The following CEP57L1 variants were observed in gnomAD, a reference collection of about 807,000 sequenced individuals.
CEP57L1 encodes centrosomal protein CEP57L1.
In CEP57L1, 37 loss-of-function variants were observed where a neutral mutation model predicts 61.0. The ratio of observed to expected loss-of-function variants is 0.61; its 90% confidence interval spans 0.47 to 0.80. The LOEUF is 0.80. CEP57L1 is among the 30% of genes least tolerant of loss of function. The pLI, the probability that CEP57L1 is intolerant of heterozygous loss-of-function variation, is 0.00. For synonymous variants in CEP57L1, 137 were observed against 162.3 expected (o/e 0.84, Z 1.19); for missense variants, 422 against 524.7 (o/e 0.80, Z 1.91).
chr6:109,155,346 A>G (rs1212279116), intron 6 of CEP57L1, 39 bp downstream of exon 6: 6 of 1,056,290 alleles, frequency 5.7e-6, no homozygotes, highest in Admixed American at 2.7e-5. Context: ...AGTAAACCAT[A>G]TATGTTTTAT....
intron 1 of CEP57L1, among the ~76,000 whole-genome samples, chr6:109,107,352 T>G (rs1041724332): frequency 2.0e-5 from 3 of 152,108 alleles, no homozygotes; most frequent in African/African-American, 7.2e-5. Context: ...TACTTTTGTG[T>G]GTAGGTTAGA....
intron 1 of CEP57L1, among the ~76,000 whole-genome samples, chr6:109,127,872 C>A (rs955653729): frequency 1.3e-5 from 2 of 151,970 alleles, no homozygotes; most frequent in Non-Finnish European, 2.9e-5. Flanking sequence ...TCGTGATCCG[C>A]CCGCCTCGGC....
intron 1 of CEP57L1, among the ~76,000 whole-genome samples, chr6:109,126,815 T>C (rs1284667255): frequency 6.6e-6 from 1 of 152,220 alleles, no homozygotes; most frequent in Non-Finnish European, 1.5e-5. Flanking sequence ...AACAATTAGA[T>C]GCTATATTAT....
At chr6:109,107,042 G>A (rs569731762) in intron 1 of CEP57L1, among the ~76,000 whole-genome samples, 3 of 152,186 alleles carry the variant, frequency 2.0e-5, no homozygotes, top group Non-Finnish European at 2.9e-5. Flanking sequence ...TTTCTTATAC[G>A]TTTCAAACTA....
chr6:109,104,252 T>C (rs1287493376), intron 1 of CEP57L1, among the ~76,000 whole-genome samples: 1 of 152,126 alleles, frequency 6.6e-6, no homozygotes, highest in Non-Finnish European at 1.5e-5. Context: ...TGGTGTATAG[T>C]GTTTCATTGT....
At position 109,164,737 on chromosome 6, in the gene CEP57L1, T is replaced by C. The variant is rs769102393; in HGVS notation, c.*1767T>C. On this transcript the variant is annotated 3_prime_UTR_variant, in exon 11 of 11. Coordinates refer to ENST00000517392, the MANE Select transcript of CEP57L1 (RefSeq NM_001271852.3). ...GAAGGTGGCTGAATATATTTAGTTA[T>C]TAATAATTCATTACTTGTGAAAAGG... Among the ~76,000 whole-genome samples the C allele has an allele frequency of 7.9e-5, 12 of 152,182 alleles. No individual in the cohort carries two copies. Among genetic ancestry groups the C allele is most frequent in the Non-Finnish European group, 1.8e-4 (12 of 68,034 alleles).
In CEP57L1 at chr6:109,155,238, T is replaced by C; in HGVS notation, c.588T>C (p.Ile196=). 1.3e-6 allele frequency: 2 copies of C among 1,574,276 alleles called. No homozygotes were observed. Among genetic ancestry groups the C allele is most frequent in the Middle Eastern group, 1.7e-4 (1 of 5,904 alleles). The change falls in exon 6 of 11, where the codon ATT becomes ATC. Residue 196 remains isoleucine (I), a synonymous_variant. Transcript: ENST00000517392. ...TTTQKTAEDK[I]KHLEEKLKEE... is the part of the protein sequence containing the mutation. ...TTTTTACTCTTTTGCAGGACAAGAT[T>C]AAACATTTAGAAGAAAAACTTAAGG...
chr6:109,139,687 C>A (rs1465946972), intron 1 of CEP57L1, among the ~76,000 whole-genome samples: 1 of 152,046 alleles, frequency 6.6e-6, no homozygotes, highest in Non-Finnish European at 1.5e-5. Context: ...GGTGTTTCAC[C>A]ATGTTGGCCA....
intron 7 of CEP57L1, chr6:109,157,360 G>T (rs1773314184): frequency 6.6e-6 from 1 of 152,268 alleles, no homozygotes; most frequent in Admixed American, 6.5e-5. Flanking sequence ...ACATCTTGAT[G>T]TACATAGACT....
At chr6:109,147,097 G>C (rs914773400) in intron 3 of CEP57L1, among the ~76,000 whole-genome samples, 160 bp downstream of exon 3, 14 of 151,970 alleles carry the variant, frequency 9.2e-5, no homozygotes, top group Admixed American at 9.2e-4. Flanking sequence ...GTGAGAAAAA[G>C]ATACAGTTTT....
intron 1 of CEP57L1, among the ~76,000 whole-genome samples, chr6:109,130,118 T>C (rs1239492781): frequency 6.6e-6 from 1 of 152,210 alleles, no homozygotes; most frequent in Non-Finnish European, 1.5e-5. Context: ...AATCAAAGAT[T>C]GTTTTTATCA....
At chr6:109,156,586 G>A (rs1185959585) in intron 7 of CEP57L1, 4 of 151,990 alleles carry the variant, frequency 2.6e-5, no homozygotes, top group Non-Finnish European at 5.9e-5. Flanking sequence ...TCTTATGATT[G>A]TGGAATTATG....
rs1343738346 is a variant in CEP57L1 at position 109,163,753 on chromosome 6, G to A, written c.*783G>A. Reference sequence around the variant, plus strand: ...TGGTATTTTTTTTTTGTACAAGAAAGTATAGAGGAAGAGGAAGCTGGGCAT... The same window carrying A: ...TGGTATTTTTTTTTTGTACAAGAAAATATAGAGGAAGAGGAAGCTGGGCAT... On this transcript the variant is annotated 3_prime_UTR_variant, in exon 11 of 11. Transcript: ENST00000517392. The A allele has an allele frequency of 6.6e-6, 1 of 151,960 alleles. No homozygotes were observed. Among genetic ancestry groups the A allele is most frequent in the Non-Finnish European group, 1.5e-5 (1 of 67,994 alleles). The allele number at this position is 151,960 out of a possible 1,614,324, so 9.4% of individuals were successfully genotyped here.
At chr6:109,118,609 A>G (rs1020143993) in intron 1 of CEP57L1, among the ~76,000 whole-genome samples, 7 of 152,220 alleles carry the variant, frequency 4.6e-5, no homozygotes, top group African/African-American at 1.7e-4. Context: ...TAACATACTG[A>G]AGCTTGCTAA....
At position 109,170,167 on chromosome 6, in the gene CEP57L1, T is replaced by C. The variant is rs182070756; in HGVS notation, c.*7197T>C. 6.6e-5 allele frequency among the ~76,000 whole-genome samples: 10 copies of C among 152,300 alleles called. No homozygotes were observed. In the East Asian group the frequency reaches 1.3e-3, roughly 21 times the overall value. ...AATAAGGCCACCAAATATAATCCCA[T>C]TGTAATGGGATTCTACCCACTTGTA... On this transcript the variant is annotated 3_prime_UTR_variant, in exon 11 of 11. Coordinates refer to ENST00000517392, the MANE Select transcript of CEP57L1 (RefSeq NM_001271852.3).
intron 1 of CEP57L1, among the ~76,000 whole-genome samples, chr6:109,126,737 C>T (rs1773592929): frequency 6.6e-6 from 1 of 152,128 alleles, no homozygotes; most frequent in South Asian, 2.1e-4. Context: ...TTAAATTCAG[C>T]ACTTGAGTTT....
intron 1 of CEP57L1, among the ~76,000 whole-genome samples, chr6:109,099,193 A>T (rs1350203397): frequency 1.3e-5 from 2 of 152,206 alleles, no homozygotes; most frequent in Non-Finnish European, 2.9e-5. Context: ...GGCAATAGAT[A>T]TAATTTTGGA....
intron 1 of CEP57L1, among the ~76,000 whole-genome samples, chr6:109,126,370 C>G (rs1773560299): frequency 6.6e-6 from 1 of 152,100 alleles, no homozygotes; most frequent in Admixed American, 6.5e-5. Flanking sequence ...TTCTGTTTCT[C>G]ATTATAAAAG....
Position 109,130,959 on chromosome 6 carries a change from C to G in CEP57L1, c.-3-14260C>G, listed in dbSNP as rs1774123792. ...TACACTTTAGGACCATGCAAATATC[C>G]TGCTCCTCATTAAACTGTATCCCCT... On this transcript the variant is annotated intron_variant, in intron 1 of 10. Coordinates refer to ENST00000517392, the MANE Select transcript of CEP57L1 (RefSeq NM_001271852.3). The G allele has an allele frequency of 2.0e-5, 3 of 152,120 alleles. No individual in the cohort carries two copies. The South Asian group carries it at 6.2e-4, about 31-fold the overall frequency. 9.4% of individuals were successfully genotyped at this position (152,120 alleles called of 1,614,324 possible). A position where few individuals can be genotyped will look rare whatever the true frequency, so the allele number is the denominator to read the frequency against.
Sources: gnomAD v4.1 joint callset for allele counts (sites outside exome capture counted in the v4.1 genomes callset) on GRCh38, gnomAD v4.1.1 for gene constraint, MANE v1.5 for transcripts, NCBI Gene and HGNC (gene_info 2026-07-23, HGNC 2026-07-21) for gene names.